Variants in CAMKK1 observed in about 807,000 individuals in gnomAD.
CAMKK1 encodes calcium/calmodulin-dependent protein kinase kinase 1.
Under a neutral mutation model 63.5 loss-of-function variants are expected in CAMKK1, and 20 were observed. The observed-to-expected ratio is 0.32, with a 90% CI of 0.22 to 0.46. The LOEUF is 0.46. Ranked by LOEUF, CAMKK1 falls within the 20% of genes least tolerant of loss-of-function variation. The probability of loss-of-function intolerance (pLI) is 1.00; values close to 1 mark genes in which losing one functional copy is unlikely to be tolerated. For synonymous variants in CAMKK1, 253 were observed against 269.0 expected (o/e 0.94, Z 0.58); for missense variants, 588 against 658.1 (o/e 0.89, Z 1.17).
At chr17:3,880,757 G>A (rs111266602) in intron 8 of CAMKK1, among the ~76,000 whole-genome samples, 2 of 148,352 alleles carry the variant, frequency 1.3e-5, no homozygotes, top group African/African-American at 4.9e-5. Flanking sequence ...AGAGGATCAT[G>A]AAATCAATTT....
At chr17:3,871,591 C>T (rs574538112) in intron 12 of CAMKK1, among the ~76,000 whole-genome samples, 106 of 149,748 alleles carry the variant, frequency 7.1e-4, no homozygotes, top group Non-Finnish European at 9.4e-4. Context: ...CTCCTGACCT[C>T]GTGATCCGCC....
In CAMKK1 at chr17:3,869,387, G is replaced by A. The variant is rs1375973918; in HGVS notation, c.1341+100C>T. On this transcript the variant is annotated intron_variant, in intron 14 of 15. Coordinates refer to ENST00000348335, the MANE Select transcript of CAMKK1 (RefSeq NM_032294.3). Reference sequence around the variant, plus strand: ...AGTGGCCCAGGATCACAGCTGGCTGGCCAGGCAGGCCTCTGTCCCCCCAAG... The same window carrying A: ...AGTGGCCCAGGATCACAGCTGGCTGACCAGGCAGGCCTCTGTCCCCCCAAG... The A allele has an allele frequency of 2.0e-6, 3 of 1,500,132 alleles. No individual in the cohort carries two copies. In the South Asian group the frequency reaches 3.8e-5, roughly 19 times the overall value. The allele number at this position is 1,500,132 out of a possible 1,614,324, so 92.9% of individuals were successfully genotyped here. A position where few individuals can be genotyped will look rare whatever the true frequency, so the allele number is the denominator to read the frequency against.
Position 3,876,310 on chromosome 17 carries a change from G to A in CAMKK1, c.909C>T (p.Asn303=), listed in dbSNP as rs756267627. The change falls in exon 10 of 16, where the codon AAC becomes AAT. Residue 303 remains asparagine (N), a synonymous_variant. Transcript: ENST00000348335. ...CCGCCGTGCTGGACAGCTGAGCGTC[G>A]TTCCCCTCAAACTGGTTGCTGACGC... is the stretch of plus-strand genomic sequence containing the variant. ...DFGVSNQFEG[N]DAQLSSTAGT... 5 of 1,614,098 alleles carry A rather than the reference G, an allele frequency of 3.1e-6. No homozygotes were observed. The highest frequency in any genetic ancestry group is 2.2e-5 in the South Asian group (2 of 91,086).
rs1479748203 is a variant in CAMKK1 at position 3,872,539 on chromosome 17, G to C, written c.1124+15C>G. 1.2e-6 allele frequency: 2 copies of C among 1,609,780 alleles called. No individual in the cohort carries two copies. Among genetic ancestry groups the C allele is most frequent in the South Asian group, 2.2e-5 (2 of 90,984 alleles). On this transcript the variant is annotated intron_variant, in intron 12 of 15. Coordinates refer to ENST00000348335, the MANE Select transcript of CAMKK1 (RefSeq NM_032294.3). ...CGGGTGGTAGCCCCCTTGTTCCCCT[G>C]GGTGGACAACTCACTCCTCAGGAAA...
chr17:3,866,036 GA>G, intron 14 of CAMKK1, 25 bp from the exon 15 acceptor site: 1 of 1,611,536 alleles, frequency 6.2e-7, no homozygotes, highest in Non-Finnish European at 8.5e-7. Flanking sequence ...GCAGCGTGAG[GA>G]GCACAGGTCC....
At position 3,869,619 on chromosome 17, in the gene CAMKK1, T is replaced by A; in HGVS notation, c.1213-4A>T. 6.2e-7 allele frequency: 1 copy of A among 1,614,102 alleles called. No homozygotes were observed. Among genetic ancestry groups the A allele is most frequent in the Non-Finnish European group, 8.5e-7 (1 of 1,180,000 alleles). On this transcript the variant is annotated splice_polypyrimidine_tract_variant and splice_region_variant and intron_variant, in intron 13 of 15. Coordinates refer to ENST00000348335, the MANE Select transcript of CAMKK1 (RefSeq NM_032294.3). The stretch of plus-strand genomic sequence containing the variant: ...TCTTGGTCACCCAAGGGTGCAACTG[T>A]CGGGGCCGGGAGGGCAGGGAGAGGG...
At position 3,861,746 on chromosome 17, in the gene CAMKK1, C is replaced by A. The variant is rs74832309; in HGVS notation, c.*465G>T. The A allele has an allele frequency of 2.3e-4, 42 of 181,062 alleles. 1 individual carries two copies. In the East Asian group the frequency reaches 3.0e-3, roughly 13 times the overall value. The allele number at this position is 181,062 out of a possible 1,614,324, so 11.2% of individuals were successfully genotyped here. A position where few individuals can be genotyped will look rare whatever the true frequency, so the allele number is the denominator to read the frequency against. ...TAGACAAGAGCTCTGGTGCCACCAC[C>A]CCAAGGTGGGCAGGGTACCCCCCTC... is the stretch of plus-strand genomic sequence containing the variant. On this transcript the variant is annotated 3_prime_UTR_variant, in exon 16 of 16. Coordinates refer to ENST00000348335, the MANE Select transcript of CAMKK1 (RefSeq NM_032294.3).
In CAMKK1 at chr17:3,862,136, C is replaced by T; in HGVS notation, c.*75G>A. On this transcript the variant is annotated 3_prime_UTR_variant, in exon 16 of 16. Transcript: ENST00000348335. This position sits in a 1 kb window ranked among gnomAD's most constrained non-coding sequence, Gnocchi z 4.1. Reference sequence around the variant, plus strand: ...CCCAGCCCCCTGCCTGCGGGGGCGGCTGTTGCATGAGGGGTGGGCCTCTGG... The same window carrying T: ...CCCAGCCCCCTGCCTGCGGGGGCGGTTGTTGCATGAGGGGTGGGCCTCTGG... The T allele has an allele frequency of 2.4e-6, 3 of 1,270,966 alleles. No individual in the cohort carries two copies. Among genetic ancestry groups the T allele is most frequent in the Non-Finnish European group, 3.3e-6 (3 of 903,298 alleles). The allele number at this position is 1,270,966 out of a possible 1,614,324, so 78.7% of individuals were successfully genotyped here. A position where few individuals can be genotyped will look rare whatever the true frequency, so the allele number is the denominator to read the frequency against.
At chr17:3,871,732 G>GCCTCCTGGGTT (rs1242318189) in intron 12 of CAMKK1, among the ~76,000 whole-genome samples, 1 of 146,898 alleles carries the variant, frequency 6.8e-6, no homozygotes, top group East Asian at 2.0e-4. Context: ...TGCAACCTCT[G>GCCTCCTGGGTT]CCTCCTGGGT....
Position 3,876,451 on chromosome 17 carries a change from G to A in CAMKK1, c.797-29C>T, listed in dbSNP as rs935025423. The A allele has an allele frequency of 1.9e-5, 31 of 1,595,498 alleles. 1 individual carries two copies. Among genetic ancestry groups the A allele is most frequent in the African/African-American group, 5.4e-5 (4 of 74,600 alleles). ...CAGAGAAGGGGAGCTTGAGCTGAGC[G>A]CTGGCCTGGGCACCGCTGGCCAGGA... On this transcript the variant is annotated intron_variant, in intron 9 of 15. Coordinates refer to ENST00000348335, the MANE Select transcript of CAMKK1 (RefSeq NM_032294.3).
At position 3,884,436 on chromosome 17, in the gene CAMKK1, G is replaced by C. The variant is rs773250718; in HGVS notation, c.361-9C>G. The stretch of plus-strand genomic sequence containing the variant: ...TTCAGCTGCACGCAGTCCTGTGGGG[G>C]AAGAGCGAGCACCAGGTGGAGCTGG... On this transcript the variant is annotated splice_polypyrimidine_tract_variant and intron_variant, in intron 2 of 15. Coordinates refer to ENST00000348335, the MANE Select transcript of CAMKK1 (RefSeq NM_032294.3). The surrounding 1 kb of genome is among the most constrained non-coding windows in gnomAD (Gnocchi z 4.5). 3.3e-5 allele frequency: 53 copies of C among 1,612,702 alleles called. No homozygotes were observed. The highest frequency in any genetic ancestry group is 2.4e-4 in the African/African-American group (18 of 74,890).
chr17:3,881,947 A>G, intron 7 of CAMKK1: 2 of 541,492 alleles, frequency 3.7e-6, no homozygotes, highest in Non-Finnish European at 6.6e-6. Flanking sequence ...TAAAGGTCAT[A>G]GCAGACAGGC....
chr17:3,884,491 A>G lies in CAMKK1; in HGVS notation c.361-64T>C. On this transcript the variant is annotated intron_variant, in intron 2 of 15. Transcript: ENST00000348335. The surrounding 1 kb of genome is among the most constrained non-coding windows in gnomAD (Gnocchi z 4.5). ...GGAGGCAGCACTGCTCCTACCTCAGAGCCCGTTCAGGGTCCAATTCTGGCC... is the reference window on the plus strand; with the variant it reads ...GGAGGCAGCACTGCTCCTACCTCAGGGCCCGTTCAGGGTCCAATTCTGGCC... 1.3e-6 allele frequency: 2 copies of G among 1,512,412 alleles called. No homozygotes were observed. The highest frequency in any genetic ancestry group is 1.7e-5 in the Admixed American group (1 of 57,920). 93.7% of individuals were successfully genotyped at this position (1,512,412 alleles called of 1,614,324 possible). A position where few individuals can be genotyped will look rare whatever the true frequency, so the allele number is the denominator to read the frequency against.
rs149060350 is a variant in CAMKK1, at chr17:3,867,349, C to T, written c.1342-1338G>A. ...CAGAGACGAGTGCATGATGGCGGGA[C>T]GGTGCACGAGCCCCGCAGAAAAACA... On this transcript the variant is annotated intron_variant, in intron 14 of 15. Transcript: ENST00000348335. Among the ~76,000 whole-genome samples, 1,440 of 152,226 alleles carry T rather than the reference C, an allele frequency of 9.5e-3. 10 individuals are homozygous for T. The highest frequency in any genetic ancestry group is 0.014 in the Non-Finnish European group (956 of 68,004).
At chr17:3,868,620 G>T (rs1035373380) in intron 14 of CAMKK1, among the ~76,000 whole-genome samples, 1 of 152,170 alleles carries the variant, frequency 6.6e-6, no homozygotes, top group African/African-American at 2.4e-5. Flanking sequence ...TTCCAGTCAC[G>T]GTGACTGCTG....
intron 12 of CAMKK1, among the ~76,000 whole-genome samples, chr17:3,871,295 A>G (rs1207864766): frequency 6.7e-6 from 1 of 150,306 alleles, no homozygotes; most frequent in Admixed American, 6.6e-5. Context: ...GCTGAGTACA[A>G]GTCCCGTTTC....
rs2055418559 is a variant in CAMKK1, at chr17:3,881,733, G to A, written c.686-85C>T. 7.0e-6 allele frequency: 9 copies of A among 1,279,028 alleles called. No individual in the cohort carries two copies. In the South Asian group the frequency reaches 8.9e-5, roughly 13 times the overall value. 79.2% of individuals were successfully genotyped at this position (1,279,028 alleles called of 1,614,324 possible). ...TCCCTCCCTGTTCTGGAGGGTAGGA[G>A]AGGGGGCAGGCATGCAGGCATACTC... On this transcript the variant is annotated intron_variant, in intron 7 of 15. Coordinates refer to ENST00000348335, the MANE Select transcript of CAMKK1 (RefSeq NM_032294.3).
intron 14 of CAMKK1, among the ~76,000 whole-genome samples, chr17:3,868,747 G>C (rs577131219): frequency 8.5e-5 from 13 of 152,088 alleles, no homozygotes; most frequent in African/African-American, 2.4e-4. Context: ...CCACCTCCCA[G>C]GTTCAAGCGA....
Position 3,884,063 on chromosome 17 carries a change from G to T in CAMKK1, c.409-126C>A. ...CATCTGCACTACCCACCACCAGCTG[G>T]CTCACGGGCAAATATTGTAGCAGAT... On this transcript the variant is annotated intron_variant, in intron 3 of 15. Transcript: ENST00000348335. The surrounding 1 kb of genome is among the most constrained non-coding windows in gnomAD (Gnocchi z 4.5). The T allele has an allele frequency of 1.1e-6, 1 of 929,806 alleles. No homozygotes were observed. Among genetic ancestry groups the T allele is most frequent in the Non-Finnish European group, 1.7e-6 (1 of 590,440 alleles). The allele number at this position is 929,806 out of a possible 1,614,324, so 57.6% of individuals were successfully genotyped here.
Sources: allele counts gnomAD v4.1 joint callset (sites outside exome capture counted in the v4.1 genomes callset), GRCh38; gene constraint gnomAD v4.1.1; non-coding constraint Gnocchi (gnomAD v3.1); transcripts MANE v1.5; gene names NCBI Gene and HGNC (gene_info 2026-07-23, HGNC 2026-07-21).